GABRG1: variants seen among roughly 807,000 people sequenced by gnomAD.
GABRG1 encodes gamma-aminobutyric acid type A receptor subunit gamma1.
GABRG1 carries 49 observed loss-of-function variants against 49.8 expected under a neutral mutation model. That is an observed-to-expected ratio of 0.98 (90% CI 0.78 to 1.25). The LOEUF (loss-of-function observed/expected upper bound fraction) is 1.25, where lower values mean the gene tolerates loss of function less well. Ranked by LOEUF, GABRG1 falls within the 50% of genes most tolerant of loss-of-function variation. The probability of loss-of-function intolerance (pLI) is 0.00; values close to 1 mark genes in which losing one functional copy is unlikely to be tolerated. For synonymous variants in GABRG1, 232 were observed against 185.1 expected (o/e 1.25, Z -2.06); for missense variants, 552 against 552.3 (o/e 1.00, Z 0.01).
At chr4:46,091,551 A>T (rs1577659264) in intron 2 of GABRG1, among the ~76,000 whole-genome samples, 1 of 152,086 alleles carries the variant, frequency 6.6e-6, no homozygotes, top group African/African-American at 2.4e-5. Context: ...AAAGATTGCA[A>T]ATATTATAGT....
chr4:46,077,739 A>G (rs1383011177), intron 3 of GABRG1, among the ~76,000 whole-genome samples: 1 of 151,826 alleles, frequency 6.6e-6, no homozygotes. Context: ...TCTTTTTTTA[A>G]CAATGAACCA....
chr4:46,075,404 C>T (rs963867844), intron 3 of GABRG1, among the ~76,000 whole-genome samples: 3 of 151,666 alleles, frequency 2.0e-5, no homozygotes, highest in Non-Finnish European at 4.4e-5. Context: ...CTGTATTGCC[C>T]GAGCTGGTTT....
chr4:46,073,710 A>G (rs908429102), intron 3 of GABRG1, among the ~76,000 whole-genome samples: 14 of 152,044 alleles, frequency 9.2e-5, no homozygotes, highest in African/African-American at 3.4e-4. Flanking sequence ...TGGGAACCCT[A>G]TATATACCAT....
At chr4:46,114,820 C>T (rs111625387) in intron 1 of GABRG1, among the ~76,000 whole-genome samples, 1 of 150,720 alleles carries the variant, frequency 6.6e-6, no homozygotes, top group Non-Finnish European at 1.5e-5. Context: ...GATACCAATA[C>T]AAATTCATCA....
chr4:46,069,759 T>C (rs1300086051), intron 3 of GABRG1, among the ~76,000 whole-genome samples: 1 of 152,024 alleles, frequency 6.6e-6, no homozygotes, highest in African/African-American at 2.4e-5. Context: ...ATGTACTTGG[T>C]TTACAAAGAC....
At chr4:46,110,592 C>T (rs1399171501) in intron 1 of GABRG1, among the ~76,000 whole-genome samples, 2 of 151,006 alleles carry the variant, frequency 1.3e-5, no homozygotes, top group African/African-American at 4.9e-5. Context: ...AACATAGATG[C>T]AAAAACCCTC....
At chr4:46,106,214 T>A (rs764037934) in intron 1 of GABRG1, among the ~76,000 whole-genome samples, 2 of 151,400 alleles carry the variant, frequency 1.3e-5, no homozygotes, top group Non-Finnish European at 3.0e-5. Context: ...AATCAATAAA[T>A]GCAGCAATAG....
intron 3 of GABRG1, among the ~76,000 whole-genome samples, chr4:46,066,101 A>C (rs1212750696): frequency 6.6e-6 from 1 of 152,218 alleles, no homozygotes; most frequent in Non-Finnish European, 1.5e-5. Flanking sequence ...AGTTGGCTTT[A>C]TTATTTTTTA....
Position 46,123,806 on chromosome 4 carries a change from T to A in GABRG1, c.104+4A>T. 6.2e-7 allele frequency: 1 copy of A among 1,604,976 alleles called. No homozygotes were observed. Among genetic ancestry groups the A allele is most frequent in the Non-Finnish European group, 8.5e-7 (1 of 1,171,896 alleles). On this transcript the variant is annotated splice_donor_region_variant and intron_variant, in intron 1 of 8. Transcript: ENST00000295452. ...AATAGTTTTAAACCCCTGAATTTAC[T>A]CACCAGTTTCCCAAATGCAGGGTCA... is the stretch of plus-strand genomic sequence containing the variant.
chr4:46,045,590 G>GA (rs1717964120), intron 8 of GABRG1, among the ~76,000 whole-genome samples: 1 of 134,334 alleles, frequency 7.4e-6, no homozygotes, highest in African/African-American at 3.0e-5. Flanking sequence ...CAAGATGATG[G>GA]AAAGTTTCTT....
At chr4:46,067,819 C>T (rs1274334102) in intron 3 of GABRG1, among the ~76,000 whole-genome samples, 1 of 152,118 alleles carries the variant, frequency 6.6e-6, no homozygotes, top group African/African-American at 2.4e-5. Flanking sequence ...GATGTTTAAT[C>T]ATCTTATTGA....
intron 3 of GABRG1, among the ~76,000 whole-genome samples, chr4:46,076,313 T>C (rs1168020575): frequency 1.4e-5 from 2 of 144,734 alleles, no homozygotes; most frequent in Non-Finnish European, 3.0e-5. Context: ...GAATGTAATC[T>C]CCTAACATGA....
chr4:46,100,091 G>A (rs13149731), intron 1 of GABRG1, among the ~76,000 whole-genome samples: 12,256 of 151,588 alleles, frequency 0.081, 950 homozygotes, highest in African/African-American at 0.2. Context: ...TTTTACTTAC[G>A]TACATCATTA....
chr4:46,082,058 G>T (rs1280669201), intron 3 of GABRG1, among the ~76,000 whole-genome samples: 1 of 151,824 alleles, frequency 6.6e-6, no homozygotes, highest in East Asian at 1.9e-4. Context: ...GAGAGGAGTA[G>T]AAGACATTAT....
chr4:46,081,899 A>G (rs1719588061), intron 3 of GABRG1, among the ~76,000 whole-genome samples: 1 of 151,892 alleles, frequency 6.6e-6, no homozygotes, highest in Admixed American at 6.6e-5. Context: ...GGACACAGTG[A>G]GAAAGCAGCT....
intron 3 of GABRG1, among the ~76,000 whole-genome samples, chr4:46,067,286 A>G (rs772450225): frequency 6.6e-6 from 1 of 152,154 alleles, no homozygotes; most frequent in Admixed American, 6.6e-5. Flanking sequence ...TTTGATGAAC[A>G]GTGTTACAAT....
At chr4:46,077,677 C>T (rs1719408144) in intron 3 of GABRG1, among the ~76,000 whole-genome samples, 1 of 151,728 alleles carries the variant, frequency 6.6e-6, no homozygotes, top group Non-Finnish European at 1.5e-5. Flanking sequence ...TAGTCATCTT[C>T]CCTGCTAGGT....
chr4:46,116,899 G>A (rs142343839), intron 1 of GABRG1, among the ~76,000 whole-genome samples: 1 of 150,658 alleles, frequency 6.6e-6, no homozygotes, highest in Admixed American at 6.7e-5. Context: ...AGTAAATATG[G>A]CTCTTTTCTG....
intron 5 of GABRG1, among the ~76,000 whole-genome samples, chr4:46,062,696 G>A (rs1042014396): frequency 6.6e-6 from 1 of 152,104 alleles, no homozygotes; most frequent in South Asian, 2.1e-4. Flanking sequence ...GGAAATGAAG[G>A]GTATTCAATT....
Sources: gnomAD v4.1 joint callset for allele counts (sites outside exome capture counted in the v4.1 genomes callset) on GRCh38, gnomAD v4.1.1 for gene constraint, MANE v1.5 for transcripts, NCBI Gene and HGNC (gene_info 2026-07-23, HGNC 2026-07-21) for gene names.